NCBP1: variants seen among roughly 807,000 people sequenced by gnomAD.
The protein encoded by NCBP1 is nuclear cap-binding protein subunit 1.
In NCBP1, 16 loss-of-function variants were observed where a neutral mutation model predicts 111.7. That is an observed-to-expected ratio of 0.14 (90% CI 0.10 to 0.22). The LOEUF (loss-of-function observed/expected upper bound fraction) is 0.22. Among genes scored for constraint, NCBP1 ranks in the 10% least tolerant of loss-of-function variants. The probability of loss-of-function intolerance (pLI) is 1.00; values close to 1 mark genes in which losing one functional copy is unlikely to be tolerated. For synonymous variants in NCBP1, 304 were observed against 314.3 expected, an observed-to-expected ratio of 0.97 and a Z score of 0.35; for missense variants, 607 against 957.5, an observed-to-expected ratio of 0.63 and a Z score of 4.83.
At chr9:97,659,631 C>T (rs570085715) in intron 15 of NCBP1, among the ~76,000 whole-genome samples, 1 of 152,294 alleles carries the variant, frequency 6.6e-6, no homozygotes, top group South Asian at 2.1e-4. Flanking sequence ...GGTGCACTAA[C>T]TGAGTGGCCA....
In NCBP1 at chr9:97,662,089, A is replaced by C; in HGVS notation, c.1648A>C (p.Thr550Pro). The change falls in exon 17 of 23, where the codon ACT becomes CCT. Residue 550 changes from threonine to proline, a missense_variant. Thr to Pro is a conservative substitution (Grantham distance 38). This residue lies in a region of NCBP1 where 282 missense variants were observed against 376.5 expected (regional missense o/e 0.75). Transcript: ENST00000375147. Reference protein sequence around the residue: ...NPLKIEVFVQTLLHLAAKSFS... With the variant: ...NPLKIEVFVQPLLHLAAKSFS... ...ATTGAAAATAGAAGTCTTTGTACAG[A>C]CTCTGCTACACTTGGCAGCCAAATC... 2 of 1,613,910 alleles carry C rather than the reference A, an allele frequency of 1.2e-6. No homozygotes were observed. The highest frequency in any genetic ancestry group is 1.7e-6 in the Non-Finnish European group (2 of 1,179,868).
intron 20 of NCBP1, among the ~76,000 whole-genome samples, chr9:97,668,113 C>T (rs7033255): frequency 0.011 from 1,672 of 152,270 alleles, 20 homozygotes; most frequent in African/African-American, 0.037. Context: ...ACCAGGCTTT[C>T]TAGATTCAGT....
intron 9 of NCBP1, 84 bp from the exon 10 acceptor site, chr9:97,651,226 C>T: frequency 8.7e-7 from 1 of 1,144,902 alleles, no homozygotes; most frequent in East Asian, 2.6e-5. Flanking sequence ...TTGCTTATAT[C>T]TAAACACATT....
chr9:97,661,908 G>T, intron 16 of NCBP1, 134 bp from the exon 17 acceptor site: 1 of 502,658 alleles, frequency 2.0e-6, no homozygotes, highest in Non-Finnish European at 3.4e-6. Context: ...GTCTTTTATT[G>T]TTTATTAGAA....
At chr9:97,635,587 TGTTTTTGTA>T (rs1375610351) in intron 1 of NCBP1, among the ~76,000 whole-genome samples, 5 of 151,964 alleles carry the variant, frequency 3.3e-5, no homozygotes, top group African/African-American at 4.8e-5. Context: ...ATTTTTTTTT[TGTTTTTGTA>T]TTTTTTGTAG....
chr9:97,657,886 C>CTCTA (rs1827706978), intron 14 of NCBP1, among the ~76,000 whole-genome samples: 2 of 45,330 alleles, frequency 4.4e-5, no homozygotes, highest in Non-Finnish European at 8.3e-5. Flanking sequence ...CCCCGGTAAG[C>CTCTA]TCTCTCTCTC....
Position 97,666,098 on chromosome 9 carries a change from C to G in NCBP1, c.1902-665C>G, listed in dbSNP as rs564414861. 8.8e-4 allele frequency among the ~76,000 whole-genome samples: 134 copies of G among 152,292 alleles called. No homozygotes were observed. The South Asian group carries it at 0.026, about 30-fold the overall frequency. The stretch of plus-strand genomic sequence containing the variant: ...TTGTTCAAGGGCCAACTGTACTATT[C>G]TGTGCTGGGTTAGGAGACCTAGTTT... On this transcript the variant is annotated intron_variant, in intron 19 of 22. Coordinates refer to ENST00000375147, the MANE Select transcript of NCBP1 (RefSeq NM_002486.5).
At chr9:97,647,879 C>T (rs1827390423) in intron 7 of NCBP1, 129 bp from the exon 8 acceptor site, 1 of 831,048 alleles carries the variant, frequency 1.2e-6, no homozygotes, top group Admixed American at 2.9e-5. Context: ...AAAAACTTAG[C>T]ACCTTTTTTT....
chr9:97,666,818 C>T lies in NCBP1; in HGVS notation c.1957C>T (p.Leu653=), dbSNP rs551743679. The change falls in exon 20 of 23, where the codon CTG becomes TTG. Residue 653 remains leucine, a synonymous_variant. Transcript: ENST00000375147. ...STIRKMNKHV[L]KIQKELEEAK... is the part of the protein sequence containing the mutation. Reference sequence around the variant, plus strand: ...AATTCGTAAGATGAACAAACATGTCCTGAAGATCCAGAAAGAGCTGGAAGA... The same window carrying T: ...AATTCGTAAGATGAACAAACATGTCTTGAAGATCCAGAAAGAGCTGGAAGA... 7.6e-5 allele frequency: 122 copies of T among 1,610,128 alleles called. No homozygotes were observed. The South Asian group carries it at 1.3e-3, about 17-fold the overall frequency.
rs1237382374 is a variant in NCBP1, at chr9:97,641,660, A to C, written c.222A>C (p.Thr74=). Residue 74 remains threonine (T), a splice_region_variant and synonymous_variant, in exon 3 of 23, where the codon ACA becomes ACC. Transcript: ENST00000375147. ...YKSKILRLLC[T]VARLLPEKLT... ...GCAAGATCTTAAGGCTTCTTTGTAC[A>C]GTGTATGTATGCAAAAGATTTATGA... 4 of 1,600,672 alleles carry C rather than the reference A, an allele frequency of 2.5e-6. No individual in the cohort carries two copies.
intron 6 of NCBP1, among the ~76,000 whole-genome samples, chr9:97,646,531 A>T (rs1176668045): frequency 6.6e-6 from 1 of 152,114 alleles, no homozygotes; most frequent in African/African-American, 2.4e-5. Flanking sequence ...AGTTAAAAGA[A>T]GCTTAAAAAA....
chr9:97,652,556 G>A (rs1827527847), intron 10 of NCBP1, among the ~76,000 whole-genome samples: 1 of 152,230 alleles, frequency 6.6e-6, no homozygotes, highest in South Asian at 2.1e-4. Flanking sequence ...GGAGGTCAAG[G>A]CTGCAGTGAG....
chr9:97,661,206 C>A (rs1827824509), intron 16 of NCBP1, 138 bp downstream of exon 16: 1 of 957,574 alleles, frequency 1.0e-6, no homozygotes, highest in Admixed American at 3.0e-5. Flanking sequence ...TTCTTAGCAC[C>A]CCAGGTATTT....
chr9:97,642,174 G>C (rs913433097), intron 3 of NCBP1, among the ~76,000 whole-genome samples: 1 of 152,016 alleles, frequency 6.6e-6, no homozygotes, highest in African/African-American at 2.4e-5. Context: ...TCACTTCTCA[G>C]CCTTTTAGTT....
chr9:97,666,905 TTA>T (rs1828020844), intron 20 of NCBP1, 28 bp downstream of exon 20: 1 of 1,430,038 alleles, frequency 7.0e-7, no homozygotes, highest in Admixed American at 2.1e-5. Flanking sequence ...TTGTAAGTAG[TTA>T]AAGAAAATAT....
intron 20 of NCBP1, among the ~76,000 whole-genome samples, chr9:97,668,094 C>T (rs1236887104): frequency 6.6e-6 from 1 of 152,078 alleles, no homozygotes; most frequent in Non-Finnish European, 1.5e-5. Context: ...GTATTAACCT[C>T]GAAGAATTAC....
chr9:97,656,218 C>A, intron 14 of NCBP1, 133 bp downstream of exon 14: 2 of 761,112 alleles, frequency 2.6e-6, no homozygotes, highest in Non-Finnish European at 4.2e-6. Flanking sequence ...TTAATCAAGA[C>A]TTAGGCTAAG....
chr9:97,656,170 T>C, intron 14 of NCBP1, 85 bp downstream of exon 14: 1 of 1,143,726 alleles, frequency 8.7e-7, no homozygotes, highest in Non-Finnish European at 1.3e-6. Flanking sequence ...TTCAGAATAT[T>C]GGATTCAAAA....
intron 6 of NCBP1, among the ~76,000 whole-genome samples, chr9:97,646,772 G>A (rs1242020519): frequency 6.6e-6 from 1 of 150,592 alleles, no homozygotes; most frequent in Non-Finnish European, 1.5e-5. Context: ...AGGAGACGGA[G>A]GTTGCAGTGA....
Sources: allele counts gnomAD v4.1 joint callset (sites outside exome capture counted in the v4.1 genomes callset), GRCh38; gene constraint gnomAD v4.1.1; regional missense constraint gnomAD v4.1.1; transcripts MANE v1.5; gene names NCBI Gene and HGNC (gene_info 2026-07-23, HGNC 2026-07-21).